Variants in SORCS2 observed in about 807,000 individuals in gnomAD.
The protein encoded by SORCS2 is VPS10 domain-containing receptor SorCS2.
Under a neutral mutation model 141.6 loss-of-function variants are expected in SORCS2, and 100 were observed. That is an observed-to-expected ratio of 0.71 (90% CI 0.60 to 0.83). The LOEUF (loss-of-function observed/expected upper bound fraction) is 0.83. Among genes scored for constraint, SORCS2 ranks in the 40% least tolerant of loss-of-function variants. The pLI, the probability that SORCS2 is intolerant of heterozygous loss-of-function variation, is 0.00. For missense variants in SORCS2, 1,646 were observed against 1,560.2 expected (o/e 1.05, Z -0.93); for synonymous variants, 789 against 676.9 (o/e 1.17, Z -2.57).
rs535836356 is a variant in SORCS2, at chr4:7,468,585, G to A, written c.549-62945G>A. On this transcript the variant is annotated intron_variant, in intron 2 of 26. Coordinates refer to ENST00000507866, the MANE Select transcript of SORCS2 (RefSeq NM_020777.3). ...AAAGGTTTGTTGAATGCATCAACGC[G>A]TAGAGTGAATGAATAAGCGTTCTTG... is the stretch of plus-strand genomic sequence containing the variant. Among the ~76,000 whole-genome samples, 46 of 152,354 alleles carry A rather than the reference G, an allele frequency of 3.0e-4. No homozygotes were observed. The East Asian group carries it at 3.7e-3, about 12-fold the overall frequency.
intron 1 of SORCS2, among the ~76,000 whole-genome samples, chr4:7,385,203 C>T (rs578108893): frequency 1.8e-4 from 28 of 152,196 alleles, no homozygotes; most frequent in Non-Finnish European, 3.5e-4. Context: ...GCCAGCACCT[C>T]CTGTGGCTTT....
chr4:7,371,469 G>A (rs527758669), intron 1 of SORCS2, among the ~76,000 whole-genome samples: 1 of 152,268 alleles, frequency 6.6e-6, no homozygotes, highest in South Asian at 2.1e-4. Context: ...GCCTTGCTCT[G>A]CTTCCACATT....
At chr4:7,262,717 A>G (rs937240927) in intron 1 of SORCS2, among the ~76,000 whole-genome samples, 3 of 152,080 alleles carry the variant, frequency 2.0e-5, no homozygotes, top group African/African-American at 4.8e-5. Flanking sequence ...GAGGGTTCCC[A>G]TGGGGAACAC....
At chr4:7,640,424 G>A (rs551146529) in intron 4 of SORCS2, among the ~76,000 whole-genome samples, 1 of 131,282 alleles carries the variant, frequency 7.6e-6, no homozygotes, top group Non-Finnish European at 1.7e-5. Context: ...GTGTGTGATC[G>A]TGTGTGTGAG....
intron 1 of SORCS2, among the ~76,000 whole-genome samples, chr4:7,204,521 G>A (rs1375163949): frequency 6.6e-6 from 1 of 152,152 alleles, no homozygotes; most frequent in Non-Finnish European, 1.5e-5. Flanking sequence ...CCTGGCTTAT[G>A]TTAAGTTTTT....
At chr4:7,302,592 G>A (rs760106001) in intron 1 of SORCS2, among the ~76,000 whole-genome samples, 1 of 152,160 alleles carries the variant, frequency 6.6e-6, no homozygotes, top group African/African-American at 2.4e-5. Flanking sequence ...CCTGTGCCCT[G>A]ACTTGGACCT....
intron 2 of SORCS2, among the ~76,000 whole-genome samples, chr4:7,448,448 C>T (rs968568435): frequency 3.4e-5 from 5 of 148,918 alleles, no homozygotes; most frequent in Non-Finnish European, 6.0e-5. Flanking sequence ...TCCCCTCCCT[C>T]GTCTCCTTCC....
intron 21 of SORCS2, among the ~76,000 whole-genome samples, chr4:7,727,451 G>A (rs115053992): frequency 0.018 from 2,723 of 151,202 alleles, 46 homozygotes; most frequent in Non-Finnish European, 0.027. Flanking sequence ...TGTCAAGGAG[G>A]CAGAGCTCAT....
At chr4:7,320,243 T>C (rs1438899840) in intron 1 of SORCS2, among the ~76,000 whole-genome samples, 1 of 152,202 alleles carries the variant, frequency 6.6e-6, no homozygotes, top group African/African-American at 2.4e-5. Flanking sequence ...ATCAAAAAAA[T>C]CAAACGCTGG....
chr4:7,192,756 T>C lies in SORCS2; in HGVS notation c.110T>C (p.Leu37Pro). 2 of 951,548 alleles carry C rather than the reference T, an allele frequency of 2.1e-6. No individual in the cohort carries two copies. Among genetic ancestry groups the C allele is most frequent in the Non-Finnish European group, 2.5e-6 (2 of 800,328 alleles). The allele number at this position is 951,548 out of a possible 1,614,324, so 58.9% of individuals were successfully genotyped here. Reference protein sequence around the residue: ...PPRSPRSRPLLLLLLLLGACG... With the variant: ...PPRSPRSRPLPLLLLLLGACG... The stretch of plus-strand genomic sequence containing the variant: ...CGCTCGCCGCGCTCGCGGCCGCTCC[T>C]GCTGCTGCTGCTGCTGCTGGGCGCC... The change falls in exon 1 of 27, where the codon CTG becomes CCG. Residue 37 changes from leucine to proline, a missense_variant. Leu to Pro is a moderately conservative substitution (Grantham distance 98). Coordinates refer to ENST00000507866, the MANE Select transcript of SORCS2 (RefSeq NM_020777.3). The surrounding 1 kb of genome is among the most constrained non-coding windows in gnomAD (Gnocchi z 4.0).
intron 25 of SORCS2, among the ~76,000 whole-genome samples, chr4:7,735,559 C>G (rs77662733): frequency 0.015 from 2,230 of 152,220 alleles, 72 homozygotes; most frequent in African/African-American, 0.051. Flanking sequence ...TCTGGGAGGA[C>G]TTCCCTGAGG....
intron 2 of SORCS2, among the ~76,000 whole-genome samples, chr4:7,511,439 G>GAC (rs138336126): frequency 0.5 from 63,860 of 128,224 alleles, 17,484 homozygotes; most frequent in Middle Eastern, 0.63. Flanking sequence ...GGGTTGGGGA[G>GAC]ACACACACAC....
chr4:7,447,621 C>G (rs35642757), intron 2 of SORCS2, among the ~76,000 whole-genome samples: 76,351 of 151,958 alleles, frequency 0.5, 21,015 homozygotes, highest in Non-Finnish European at 0.62. Flanking sequence ...TAAGTCCATC[C>G]ATGCATTGGG....
chr4:7,673,048 A>G (rs889581643), intron 8 of SORCS2, among the ~76,000 whole-genome samples: 1 of 152,250 alleles, frequency 6.6e-6, no homozygotes, highest in East Asian at 1.9e-4. Context: ...TACATCCTTC[A>G]TGTAAAAATA....
intron 2 of SORCS2, among the ~76,000 whole-genome samples, chr4:7,465,052 A>AC (rs773720930): frequency 6.6e-6 from 1 of 152,166 alleles, no homozygotes; most frequent in African/African-American, 2.4e-5. Flanking sequence ...ATGACAAAGC[A>AC]CCCCCCTTGC....
chr4:7,392,935 G>A (rs903876712), intron 1 of SORCS2, among the ~76,000 whole-genome samples: 2 of 150,852 alleles, frequency 1.3e-5, no homozygotes, highest in South Asian at 4.2e-4. Context: ...TGGATGAGTC[G>A]ATGCTTGTCA....
rs1006642679 is a variant in SORCS2, at chr4:7,333,989, C to T, written c.481-62299C>T. On this transcript the variant is annotated intron_variant, in intron 1 of 26. Transcript: ENST00000507866. ...AGCCTCCATACTCAGCTGGGGACAG[C>T]GTCCCCTGCTGCCAGAGCCGACTGG... is the stretch of plus-strand genomic sequence containing the variant. 1.3e-4 allele frequency among the ~76,000 whole-genome samples: 20 copies of T among 152,204 alleles called. No individual in the cohort carries two copies. The East Asian group carries it at 1.9e-3, about 15-fold the overall frequency.
At chr4:7,299,691 G>A (rs1424128694) in intron 1 of SORCS2, among the ~76,000 whole-genome samples, 2 of 152,220 alleles carry the variant, frequency 1.3e-5, no homozygotes, top group African/African-American at 2.4e-5. Context: ...AAACAAGGGA[G>A]ATGGGGAAGC....
At chr4:7,340,930 C>T (rs1241417535) in intron 1 of SORCS2, among the ~76,000 whole-genome samples, 2 of 152,214 alleles carry the variant, frequency 1.3e-5, no homozygotes, top group South Asian at 4.1e-4. Context: ...TCCCTGAGCC[C>T]CATCATTGGC....
Sources: allele counts gnomAD v4.1 joint callset (sites outside exome capture counted in the v4.1 genomes callset), GRCh38; gene constraint gnomAD v4.1.1; non-coding constraint Gnocchi (gnomAD v3.1); transcripts MANE v1.5; gene names NCBI Gene and HGNC (gene_info 2026-07-23, HGNC 2026-07-21).